Variants in CUX1 observed in about 807,000 individuals in gnomAD.
The protein encoded by CUX1 is cut like homeobox 1, also known as protein CASP.
In CUX1, 31 loss-of-function variants were observed where a neutral mutation model predicts 158.8. That is an observed-to-expected ratio of 0.20 (90% CI 0.15 to 0.26). The LOEUF (loss-of-function observed/expected upper bound fraction) is 0.26. Among genes scored for constraint, CUX1 ranks in the 10% least tolerant of loss-of-function variants. The pLI is 1.00. For missense variants in CUX1, 1,589 were observed against 2,014.6 expected, an observed-to-expected ratio of 0.79 and a Z score of 4.04; for synonymous variants, 879 against 862.1, an observed-to-expected ratio of 1.02 and a Z score of -0.34.
intron 4 of CUX1, among the ~76,000 whole-genome samples, chr7:102,077,584 G>C: frequency 6.9e-6 from 1 of 145,400 alleles, no homozygotes; most frequent in African/African-American, 2.5e-5. Flanking sequence ...TCTGTCTCTA[G>C]TTCAAGACCA....
chr7:102,262,777 G>A (rs1412617949), downstream of CUX1, among the ~76,000 whole-genome samples: 1 of 152,190 alleles, frequency 6.6e-6, no homozygotes, highest in Non-Finnish European at 1.5e-5. Flanking sequence ...CTTTCCAACT[G>A]AGGAAACAGA....
At chr7:101,929,752 C>G (rs549157915) in intron 2 of CUX1, among the ~76,000 whole-genome samples, 1 of 152,290 alleles carries the variant, frequency 6.6e-6, no homozygotes, top group South Asian at 2.1e-4. Flanking sequence ...CACCCACCCA[C>G]CTACCAGGAT....
At chr7:101,971,731 T>C (rs1811976997) in intron 2 of CUX1, among the ~76,000 whole-genome samples, 1 of 152,160 alleles carries the variant, frequency 6.6e-6, no homozygotes, top group Non-Finnish European at 1.5e-5. Context: ...AAAAAAATTC[T>C]CCCTAAAGAT....
chr7:102,141,123 A>G (rs1834407347), intron 8 of CUX1, among the ~76,000 whole-genome samples: 1 of 152,042 alleles, frequency 6.6e-6, no homozygotes, highest in Admixed American at 6.6e-5. Context: ...TGTTTGTCTA[A>G]CACTTCACAA....
intron 1 of CUX1, among the ~76,000 whole-genome samples, chr7:101,904,233 G>A (rs998522923): frequency 6.6e-6 from 1 of 152,114 alleles, no homozygotes; most frequent in Non-Finnish European, 1.5e-5. Context: ...CCAGGAGTTC[G>A]AGGCTGCAGT....
At chr7:102,029,258 G>A (rs982103111) in intron 3 of CUX1, among the ~76,000 whole-genome samples, 11 of 152,132 alleles carry the variant, frequency 7.2e-5, no homozygotes, top group Non-Finnish European at 1.5e-4. Flanking sequence ...CTCCCAAAGT[G>A]CTGGGATTAC....
At chr7:102,235,796 A>G (rs368821013) in intron 22 of CUX1, among the ~76,000 whole-genome samples, 11,142 of 122,582 alleles carry the variant, frequency 0.091, 591 homozygotes, top group African/African-American at 0.15. Flanking sequence ...ACACACACAC[A>G]CACGCGCACA....
Position 102,234,195 on chromosome 7 carries a change from A to C in CUX1, c.3577A>C (p.Asn1193His). 6.3e-7 allele frequency: 1 copy of C among 1,590,268 alleles called. No individual in the cohort carries two copies. The highest frequency in any genetic ancestry group is 8.5e-7 in the Non-Finnish European group (1 of 1,169,922). The change falls in exon 22 of 24, where the codon AAC becomes CAC. Residue 1193 changes from asparagine (N) to histidine (H), a missense_variant. By Grantham distance (68) the Asn-to-His change is moderately conservative. Around this residue, in one of 8 missense-constraint regions of CUX1, gnomAD observed 259 missense variants for 373.8 expected, o/e 0.69. Transcript: ENST00000292535. ...VRMQLWLNDP[N>H]NVEKLMDMKR... ...GATGCAGCTGTGGCTGAACGACCCC[A>C]ACAATGTGGAGAAGCTGATGGACAT...
chr7:102,073,045 G>A (rs933473043), intron 4 of CUX1, among the ~76,000 whole-genome samples: 1 of 151,906 alleles, frequency 6.6e-6, no homozygotes. Flanking sequence ...GTGTTTTCCA[G>A]CTGAGAACTT....
chr7:102,170,326 TTGAG>T, intron 9 of CUX1, 116 bp from the exon 10 acceptor site: 1 of 686,942 alleles, frequency 1.5e-6, no homozygotes, highest in Non-Finnish European at 2.5e-6. Context: ...ATTTATTAGG[TTGAG>T]TGTTTAGGAA....
At chr7:102,054,443 T>C (rs1452477008) in intron 3 of CUX1, among the ~76,000 whole-genome samples, 2 of 152,190 alleles carry the variant, frequency 1.3e-5, no homozygotes. Flanking sequence ...GTCATGTCAC[T>C]CTTGTCAAAA....
At chr7:102,053,602 G>C (rs1195218232) in intron 3 of CUX1, among the ~76,000 whole-genome samples, 1 of 151,934 alleles carries the variant, frequency 6.6e-6, no homozygotes, top group African/African-American at 2.4e-5. Flanking sequence ...ACCCCTCCCA[G>C]CCTCTGGTAA....
intron 9 of CUX1, among the ~76,000 whole-genome samples, chr7:102,167,700 G>A (rs368008351): frequency 3.3e-5 from 5 of 152,332 alleles, no homozygotes; most frequent in African/African-American, 1.2e-4. Context: ...GATTTGACGT[G>A]ATCATCAGAA....
intron 3 of CUX1, among the ~76,000 whole-genome samples, chr7:102,056,910 T>TG (rs1195722798): frequency 2.0e-5 from 3 of 148,598 alleles, no homozygotes; most frequent in East Asian, 4.0e-4. Flanking sequence ...TTTTCTGGTT[T>TG]TTTTTTTTTG....
At chr7:101,890,714 C>T (rs1800792198) in intron 1 of CUX1, among the ~76,000 whole-genome samples, 1 of 152,108 alleles carries the variant, frequency 6.6e-6, no homozygotes, top group African/African-American at 2.4e-5. Flanking sequence ...CACAAATCTA[C>T]CCTTCCATTT....
intron 11 of CUX1, among the ~76,000 whole-genome samples, chr7:102,183,233 C>T (rs1793295820): frequency 2.0e-5 from 3 of 152,038 alleles, no homozygotes; most frequent in African/African-American, 4.8e-5. Flanking sequence ...AGGCTGGTCA[C>T]GAGCTCCTGA....
chr7:102,072,089 G>A (rs769602548), intron 4 of CUX1, among the ~76,000 whole-genome samples: 10 of 152,186 alleles, frequency 6.6e-5, no homozygotes, highest in South Asian at 2.1e-4. Context: ...GGTTCTTGGC[G>A]TTTTGAGCAA....
At chr7:102,010,836 C>CGT (rs1817915143) in intron 2 of CUX1, among the ~76,000 whole-genome samples, 2 of 152,230 alleles carry the variant, frequency 1.3e-5, no homozygotes, top group South Asian at 4.2e-4. Flanking sequence ...ATTGGCCAGG[C>CGT]GTGGTGGCTC....
At chr7:101,947,481 C>A (rs1259672674) in intron 2 of CUX1, among the ~76,000 whole-genome samples, 1 of 152,208 alleles carries the variant, frequency 6.6e-6, no homozygotes, top group African/African-American at 2.4e-5. Flanking sequence ...TAAGTTAATC[C>A]CGCACACACC....
Sources: allele counts gnomAD v4.1 joint callset (sites outside exome capture counted in the v4.1 genomes callset), GRCh38; gene constraint gnomAD v4.1.1; regional missense constraint gnomAD v4.1.1; transcripts MANE v1.5; gene names NCBI Gene and HGNC (gene_info 2026-07-23, HGNC 2026-07-21).